KPNA6: variants seen among roughly 807,000 people sequenced by gnomAD.
The protein encoded by KPNA6 is importin subunit alpha-7.
A neutral mutation model predicts 72.0 loss-of-function variants in KPNA6; 9 were observed. The ratio of observed to expected loss-of-function variants is 0.13; its 90% CI spans 0.08 to 0.22. The LOEUF is 0.22. KPNA6 is among the 10% of genes least tolerant of loss of function. KPNA6 has a pLI of 1.00. For missense variants in KPNA6, 374 were observed against 655.7 expected (o/e 0.57, Z 4.69); for synonymous variants, 219 against 242.1 (o/e 0.90, Z 0.89).
chr1:32,121,993 G>A (rs867062950), intron 1 of KPNA6, among the ~76,000 whole-genome samples: 17 of 150,860 alleles, frequency 1.1e-4, no homozygotes, highest in Middle Eastern at 7.0e-3. Flanking sequence ...GCCAAGAGAG[G>A]CTGGGCGCGG....
intron 11 of KPNA6, among the ~76,000 whole-genome samples, chr1:32,166,470 C>A (rs1642340039): frequency 6.6e-6 from 1 of 151,170 alleles, no homozygotes; most frequent in Non-Finnish European, 1.5e-5. Context: ...ACTAAAAATA[C>A]AAAAATTAGA....
intron 1 of KPNA6, among the ~76,000 whole-genome samples, chr1:32,112,562 G>A (rs1641259449): frequency 6.6e-6 from 1 of 152,004 alleles, no homozygotes. Context: ...GCGTGATCTC[G>A]GCTCACTGCA....
At chr1:32,146,142 GTTAC>G (rs1390426298) in intron 1 of KPNA6, among the ~76,000 whole-genome samples, 21 of 152,098 alleles carry the variant, frequency 1.4e-4, no homozygotes, top group Non-Finnish European at 1.0e-4. Context: ...CAAGTCCTCT[GTTAC>G]TTATCGATCT....
At chr1:32,170,222 A>C (rs766288934) in intron 13 of KPNA6, among the ~76,000 whole-genome samples, 162 bp downstream of exon 13, 1 of 152,208 alleles carries the variant, frequency 6.6e-6, no homozygotes, top group Non-Finnish European at 1.5e-5. Flanking sequence ...TGCCCTAGCC[A>C]AGTTTCACCA....
chr1:32,161,909 C>A, intron 7 of KPNA6, 38 bp from the exon 8 acceptor site: 1 of 1,497,058 alleles, frequency 6.7e-7, no homozygotes. Context: ...TATGCCAAGG[C>A]CTCAGTGCTC....
rs369308305 is a variant in KPNA6 at position 32,170,941 on chromosome 1, C to G, written c.*47C>G. On this transcript the variant is annotated 3_prime_UTR_variant, in exon 14 of 14. Transcript: ENST00000373625. ...GGGGATGGGAAGCACCACCAGCCAG[C>G]GGAAGAGCAGCCCTCTGGTGGGCGG... The G allele has an allele frequency of 6.4e-7, 1 of 1,559,406 alleles. No homozygotes were observed. The highest frequency in any genetic ancestry group is 2.2e-5 in the East Asian group (1 of 44,578).
chr1:32,154,630 G>C lies in KPNA6; in HGVS notation c.47G>C (p.Ser16Thr), dbSNP rs758229202. The change falls in exon 2 of 14, where the codon AGC becomes ACC. Residue 16 changes from serine (S) to threonine (T), a missense_variant. Coordinates refer to ENST00000373625, the MANE Select transcript of KPNA6 (RefSeq NM_012316.5). ...SPGKDNYRMKSYKNNALNPEE... is the reference protein window; with the variant it reads ...SPGKDNYRMKTYKNNALNPEE... Reference sequence around the variant, plus strand: ...GGGAAAGACAATTATCGAATGAAGAGCTATAAGAACAATGCTCTAAACCCT... The same window carrying C: ...GGGAAAGACAATTATCGAATGAAGACCTATAAGAACAATGCTCTAAACCCT... 6.2e-7 allele frequency: 1 copy of C among 1,613,832 alleles called. No individual in the cohort carries two copies. Among genetic ancestry groups the C allele is most frequent in the Non-Finnish European group, 8.5e-7 (1 of 1,179,932 alleles).
At chr1:32,149,713 T>C (rs1328680963) in intron 1 of KPNA6, among the ~76,000 whole-genome samples, 1 of 152,178 alleles carries the variant, frequency 6.6e-6, no homozygotes, top group East Asian at 1.9e-4. Flanking sequence ...TTCCTTCTAC[T>C]TGAAGACTTT....
At chr1:32,119,032 A>ATATATATATATATT (rs1167325052) in intron 1 of KPNA6, among the ~76,000 whole-genome samples, 7 of 40,276 alleles carry the variant, frequency 1.7e-4, no homozygotes, top group Non-Finnish European at 2.5e-4. Flanking sequence ...ATATATATAT[A>ATATATATATATATT]TTTTTTTTTT....
At chr1:32,133,516 C>CAAAAAAA (rs56850687) in intron 1 of KPNA6, among the ~76,000 whole-genome samples, 1 of 43,880 alleles carries the variant, frequency 2.3e-5, no homozygotes. Context: ...CTAGTCTCTA[C>CAAAAAAA]AAAAAAAAAA....
At chr1:32,122,294 A>C (rs574094461) in intron 1 of KPNA6, among the ~76,000 whole-genome samples, 1 of 152,074 alleles carries the variant, frequency 6.6e-6, no homozygotes, top group African/African-American at 2.4e-5. Context: ...AATGTGAAAC[A>C]AAACGAAAAA....
At chr1:32,157,539 C>T (rs556901597) in intron 4 of KPNA6, 94 bp downstream of exon 4, 5 of 839,874 alleles carry the variant, frequency 6.0e-6, no homozygotes, top group Middle Eastern at 2.3e-4. Context: ...CTCACTCATT[C>T]TGCTCTAGCC....
At chr1:32,169,436 TTTTTC>T (rs1197381319) in intron 12 of KPNA6, among the ~76,000 whole-genome samples, 16 of 150,954 alleles carry the variant, frequency 1.1e-4, no homozygotes, top group African/African-American at 2.4e-4. Flanking sequence ...GCACAATTCT[TTTTTC>T]TTTTCTTTTC....
At chr1:32,169,752 G>A (rs566095241) in intron 12 of KPNA6, 130 bp from the exon 13 acceptor site, 26 of 780,396 alleles carry the variant, frequency 3.3e-5, no homozygotes, top group African/African-American at 1.7e-4. Flanking sequence ...GAACCACCGC[G>A]CTCGGCCTCA....
Position 32,157,427 on chromosome 1 carries a change from C to T in KPNA6, c.313C>T (p.Arg105Trp). The T allele has an allele frequency of 6.2e-7, 1 of 1,613,466 alleles. No homozygotes were observed. The highest frequency in any genetic ancestry group is 8.5e-7 in the Non-Finnish European group (1 of 1,179,448). Residue 105 changes from arginine to tryptophan, a missense_variant, in exon 4 of 14, where the codon CGG (arginine) becomes TGG (tryptophan). Arg to Trp is a moderately radical substitution (Grantham distance 101, BLOSUM62 -3). This residue lies in a region of KPNA6 where 298 missense variants were observed against 495.4 expected (regional missense o/e 0.60). Coordinates refer to ENST00000373625, the MANE Select transcript of KPNA6 (RefSeq NM_012316.5). ...DLQLATTQKF[R>W]KLLSKEPSPP... is the part of the protein sequence containing the mutation. ...GCAGTTAGCAACCACACAGAAATTC[C>T]GGAAACTGCTCTCCAAAGGTACAAA... is the stretch of plus-strand genomic sequence containing the variant.
chr1:32,127,802 G>A (rs1327018976), intron 1 of KPNA6, among the ~76,000 whole-genome samples: 1 of 152,160 alleles, frequency 6.6e-6, no homozygotes, highest in Non-Finnish European at 1.5e-5. Context: ...TACCCACTCA[G>A]TAAAGAGAGT....
Position 32,173,887 on chromosome 1 carries a change from G to A in KPNA6, c.*2993G>A, listed in dbSNP as rs1398010798. On this transcript the variant is annotated 3_prime_UTR_variant, in exon 14 of 14. Transcript: ENST00000373625. ...TATCCTTTTTAAGATCTCTGGTTGG[G>A]GGTATCTGGATATGGATTAGGAGGG... The A allele has an allele frequency of 3.3e-5, 5 of 152,254 alleles. No individual in the cohort carries two copies. Among genetic ancestry groups the A allele is most frequent in the Non-Finnish European group, 7.3e-5 (5 of 68,096 alleles). The allele number at this position is 152,254 out of a possible 1,614,324, so 9.4% of individuals were successfully genotyped here.
intron 1 of KPNA6, among the ~76,000 whole-genome samples, chr1:32,135,491 CTT>C (rs1203233796): frequency 6.6e-6 from 1 of 150,728 alleles, no homozygotes; most frequent in Admixed American, 6.6e-5. Context: ...AGCCACCATG[CTT>C]GGCCATTTTT....
intron 1 of KPNA6, among the ~76,000 whole-genome samples, chr1:32,130,332 T>C (rs1641615127): frequency 6.6e-6 from 1 of 151,782 alleles, no homozygotes; most frequent in South Asian, 2.1e-4. Flanking sequence ...AAATGTGACT[T>C]TCTTGGCAAA....
Sources: gnomAD v4.1 joint callset for allele counts (sites outside exome capture counted in the v4.1 genomes callset) on GRCh38, gnomAD v4.1.1 for gene constraint, gnomAD v4.1.1 regional missense constraint, MANE v1.5 for transcripts, NCBI Gene and HGNC (gene_info 2026-07-23, HGNC 2026-07-21) for gene names.